The following GATAD2B variants were observed in gnomAD, a reference collection of about 807,000 sequenced individuals.
The protein encoded by GATAD2B is transcriptional repressor p66-beta.
Under a neutral mutation model 64.3 loss-of-function variants are expected in GATAD2B, and 8 were observed. The ratio of observed to expected loss-of-function variants is 0.12; its 90% CI spans 0.07 to 0.22. The LOEUF is 0.22. GATAD2B is among the 10% of genes least tolerant of loss of function. The pLI is 1.00. For synonymous variants in GATAD2B, 281 were observed against 271.3 expected, an observed-to-expected ratio of 1.04 and a Z score of -0.35; for missense variants, 453 against 752.0, an observed-to-expected ratio of 0.60 and a Z score of 4.65.
At chr1:153,891,932 G>A (rs140819178) in intron 1 of GATAD2B, among the ~76,000 whole-genome samples, 2,937 of 151,976 alleles carry the variant, frequency 0.019, 46 homozygotes, top group Middle Eastern at 0.044. Flanking sequence ...GGGAGGCTGA[G>A]GCGGGCGGAT....
chr1:153,910,212 T>C (rs983392038), intron 1 of GATAD2B, among the ~76,000 whole-genome samples: 1 of 152,188 alleles, frequency 6.6e-6, no homozygotes, highest in Non-Finnish European at 1.5e-5. Context: ...AAGGAATTCA[T>C]GGTGAATTGG....
intron 1 of GATAD2B, among the ~76,000 whole-genome samples, chr1:153,909,938 A>C (rs1571007491): frequency 3.0e-5 from 4 of 131,506 alleles, no homozygotes; most frequent in South Asian, 2.6e-4. Context: ...ACAGAGCAAG[A>C]CTCCATCTCA....
At position 153,894,146 on chromosome 1, in the gene GATAD2B, G is replaced by A. The variant is rs564904716; in HGVS notation, c.-2+28587C>T. 3.3e-5 allele frequency among the ~76,000 whole-genome samples: 5 copies of A among 152,152 alleles called. No homozygotes were observed. The South Asian group carries it at 8.3e-4, about 25-fold the overall frequency. On this transcript the variant is annotated intron_variant, in intron 1 of 10. Transcript: ENST00000368655. ...AATAGTGGCTACCTGTTGGAGTGGA[G>A]GAGGGTAATGACTAGGAGAGAACAT...
At chr1:153,857,381 G>A (rs1466881669) in intron 1 of GATAD2B, among the ~76,000 whole-genome samples, 1 of 152,070 alleles carries the variant, frequency 6.6e-6, no homozygotes, top group Non-Finnish European at 1.5e-5. Flanking sequence ...GGGAGGCGGA[G>A]GTTGCAGTGA....
chr1:153,876,069 A>T (rs1004901324), intron 1 of GATAD2B, among the ~76,000 whole-genome samples: 2 of 151,812 alleles, frequency 1.3e-5, no homozygotes, highest in Admixed American at 1.3e-4. Context: ...TCTACTAAAA[A>T]ATACAAAAAT....
At position 153,875,896 on chromosome 1, in the gene GATAD2B, G is replaced by C. The variant is rs150551988; in HGVS notation, c.-2+46837C>G. Among the ~76,000 whole-genome samples the C allele has an allele frequency of 2.0e-3, 299 of 152,098 alleles. 1 individual carries two copies. The highest frequency in any genetic ancestry group is 6.8e-3 in the African/African-American group (283 of 41,492). On this transcript the variant is annotated intron_variant, in intron 1 of 10. Coordinates refer to ENST00000368655, the MANE Select transcript of GATAD2B (RefSeq NM_020699.4). Reference sequence around the variant, plus strand: ...GAGATATAATTATCCTCCTGTTAGAGAGAAAAGAAAAACAGATAAACTGAG... The same window carrying C: ...GAGATATAATTATCCTCCTGTTAGACAGAAAAGAAAAACAGATAAACTGAG...
intron 1 of GATAD2B, among the ~76,000 whole-genome samples, chr1:153,875,031 C>G (rs182806429): frequency 1.6e-4 from 24 of 152,226 alleles, no homozygotes; most frequent in Middle Eastern, 3.4e-3. Context: ...CAGGGACATG[C>G]CACCATGCCC....
chr1:153,874,063 A>G (rs1289903930), intron 1 of GATAD2B, among the ~76,000 whole-genome samples: 1 of 152,040 alleles, frequency 6.6e-6, no homozygotes, highest in Non-Finnish European at 1.5e-5. Flanking sequence ...ATCGTCTGAG[A>G]CCATCCTGGC....
intron 1 of GATAD2B, among the ~76,000 whole-genome samples, chr1:153,889,435 A>AAC (rs1677295398): frequency 1.3e-5 from 2 of 148,296 alleles, no homozygotes; most frequent in African/African-American, 4.9e-5. Context: ...AAAAAAAAAA[A>AAC]ACACACAAAA....
rs557744213 is a variant in GATAD2B, at chr1:153,832,155, C to T, written c.-1-3807G>A. Among the ~76,000 whole-genome samples the T allele has an allele frequency of 4.6e-5, 7 of 151,934 alleles. No homozygotes were observed. In the East Asian group the frequency reaches 1.2e-3, roughly 25 times the overall value. Reference sequence around the variant, plus strand: ...ACTTGAACCCGGGAGGCAGAGGTTTCAGTGAGCCAAGATCGCACCACTGCA... The same window carrying T: ...ACTTGAACCCGGGAGGCAGAGGTTTTAGTGAGCCAAGATCGCACCACTGCA... On this transcript the variant is annotated intron_variant, in intron 1 of 10. Transcript: ENST00000368655.
chr1:153,888,486 C>A (rs773375374), intron 1 of GATAD2B, among the ~76,000 whole-genome samples: 3 of 152,106 alleles, frequency 2.0e-5, no homozygotes, highest in African/African-American at 7.2e-5. Flanking sequence ...TTTCTTAATA[C>A]TTGATTGCTG....
At position 153,859,199 on chromosome 1, in the gene GATAD2B, CT is replaced by C. The variant is rs1676187645; in HGVS notation, c.-1-30852del. 4.6e-5 allele frequency among the ~76,000 whole-genome samples: 7 copies of C among 151,884 alleles called. 1 individual carries two copies. Among genetic ancestry groups the C allele is most frequent in the Admixed American group, 4.6e-4 (7 of 15,238 alleles). On this transcript the variant is annotated intron_variant, in intron 1 of 10. Coordinates refer to ENST00000368655, the MANE Select transcript of GATAD2B (RefSeq NM_020699.4). The stretch of plus-strand genomic sequence containing the variant: ...GCAACATAGCAAGATTCCATTTCCA[CT>C]AAAAATACAAATAGAAATCAGGCAG...
intron 1 of GATAD2B, among the ~76,000 whole-genome samples, chr1:153,829,819 G>T (rs940137364): frequency 6.6e-6 from 1 of 151,978 alleles, no homozygotes; most frequent in Admixed American, 6.6e-5. Flanking sequence ...CGAAACAGGG[G>T]CCGGGTGCAG....
chr1:153,906,947 C>A (rs751640158), intron 1 of GATAD2B, among the ~76,000 whole-genome samples: 1 of 152,154 alleles, frequency 6.6e-6, no homozygotes, highest in Non-Finnish European at 1.5e-5. Context: ...AATGAGACAG[C>A]ACCTCACATC....
At chr1:153,861,176 T>G (rs1236782305) in intron 1 of GATAD2B, among the ~76,000 whole-genome samples, 1 of 152,082 alleles carries the variant, frequency 6.6e-6, no homozygotes, top group Non-Finnish European at 1.5e-5. Context: ...TCTCAGAACT[T>G]TAACTGAGAA....
At chr1:153,905,345 C>A (rs1174383988) in intron 1 of GATAD2B, among the ~76,000 whole-genome samples, 21 of 151,780 alleles carry the variant, frequency 1.4e-4, no homozygotes, top group Non-Finnish European at 1.5e-5. Flanking sequence ...CCACCGCACT[C>A]CAGCCTGGGT....
At chr1:153,874,896 C>T (rs949942021) in intron 1 of GATAD2B, among the ~76,000 whole-genome samples, 12 of 151,494 alleles carry the variant, frequency 7.9e-5, no homozygotes, top group African/African-American at 2.9e-4. Context: ...ATTTTTGAAA[C>T]AGGGTCTTGT....
At chr1:153,906,089 T>TC (rs1392774370) in intron 1 of GATAD2B, among the ~76,000 whole-genome samples, 3 of 132,952 alleles carry the variant, frequency 2.3e-5, no homozygotes, top group African/African-American at 8.4e-5. Context: ...AAAGCTCCCC[T>TC]CCCCCGCACC....
At chr1:153,860,703 C>G (rs1015374881) in intron 1 of GATAD2B, among the ~76,000 whole-genome samples, 1 of 151,812 alleles carries the variant, frequency 6.6e-6, no homozygotes, top group African/African-American at 2.4e-5. Flanking sequence ...TTCTGTCACC[C>G]AGGCTGGAGT....
Sources: allele counts gnomAD v4.1 joint callset (sites outside exome capture counted in the v4.1 genomes callset), GRCh38; gene constraint gnomAD v4.1.1; transcripts MANE v1.5; gene names NCBI Gene and HGNC (gene_info 2026-07-23, HGNC 2026-07-21).